Variants in PCDHA11 observed in about 807,000 individuals in gnomAD.
PCDHA11 encodes protocadherin alpha-11.
Under a neutral mutation model 70.3 loss-of-function variants are expected in PCDHA11, and 61 were observed. The ratio of observed to expected loss-of-function variants is 0.87; its 90% confidence interval spans 0.71 to 1.07. The LOEUF (loss-of-function observed/expected upper bound fraction) is 1.07. Ranked by LOEUF, PCDHA11 falls within the 50% of genes least tolerant of loss-of-function variation. PCDHA11 has a pLI of 0.00. For synonymous variants in PCDHA11, 633 were observed against 555.1 expected (o/e 1.14, Z -1.97); for missense variants, 1,324 against 1,237.5 (o/e 1.07, Z -1.05).
At chr5:140,883,623 C>T (rs782045250) in intron 1 of PCDHA11, 3 of 1,613,988 alleles carry the variant, frequency 1.9e-6, no homozygotes, top group East Asian at 4.5e-5. Context: ...AACGACAACG[C>T]GCCGGCGTTC....
chr5:140,886,317 G>A (rs1323122893), intron 1 of PCDHA11, among the ~76,000 whole-genome samples: 2 of 151,612 alleles, frequency 1.3e-5, no homozygotes, highest in Non-Finnish European at 2.9e-5. Context: ...TACACTTTAA[G>A]TTCTGGGATA....
At chr5:140,999,051 C>T (rs972072595) in intron 3 of PCDHA11, among the ~76,000 whole-genome samples, 6 of 152,196 alleles carry the variant, frequency 3.9e-5, no homozygotes, top group African/African-American at 9.7e-5. Flanking sequence ...TGCTTTCCAC[C>T]ATGCCTAAGT....
intron 1 of PCDHA11, among the ~76,000 whole-genome samples, chr5:140,888,414 T>C (rs530730994): frequency 2.6e-5 from 4 of 152,170 alleles, no homozygotes; most frequent in Non-Finnish European, 5.9e-5. Context: ...CTGCCAAACA[T>C]CCTACCGTGC....
At chr5:140,876,323 T>C (rs1554168484) in intron 1 of PCDHA11, 1 of 1,614,000 alleles carries the variant, frequency 6.2e-7, no homozygotes, top group Middle Eastern at 1.6e-4. Context: ...ATCAAAATGA[T>C]TTTGCCAGTG....
At chr5:140,966,831 G>A in intron 1 of PCDHA11, 1 of 1,563,110 alleles carries the variant, frequency 6.4e-7, no homozygotes, top group Non-Finnish European at 8.6e-7. Flanking sequence ...CCCATGCCCT[G>A]GCTGCTGCTA....
At chr5:141,007,980 A>G (rs533342900) in intron 3 of PCDHA11, among the ~76,000 whole-genome samples, 1 of 152,338 alleles carries the variant, frequency 6.6e-6, no homozygotes, top group East Asian at 1.9e-4. Context: ...TGTCATGTAT[A>G]TATGAAATGT....
intron 1 of PCDHA11, among the ~76,000 whole-genome samples, chr5:140,965,377 A>T (rs1479954226): frequency 6.6e-6 from 1 of 152,190 alleles, no homozygotes; most frequent in African/African-American, 2.4e-5. Context: ...AAACTTGGGG[A>T]CACAGAAGAA....
At chr5:140,967,442 G>T in intron 1 of PCDHA11, 1 of 1,613,600 alleles carries the variant, frequency 6.2e-7, no homozygotes, top group Non-Finnish European at 8.5e-7. Context: ...GCACCACCTG[G>T]TTCTCACAGC....
intron 1 of PCDHA11, chr5:140,878,069 T>C: frequency 5.3e-6 from 2 of 379,294 alleles, no homozygotes; most frequent in East Asian, 5.0e-5. Flanking sequence ...ATATTTTTCT[T>C]TTTCTATAAT....
chr5:140,968,208 AC>A, intron 1 of PCDHA11: 1 of 1,614,022 alleles, frequency 6.2e-7, no homozygotes, highest in Non-Finnish European at 8.5e-7. Context: ...ATACAGGAGA[AC>A]AATTTGCCAG....
chr5:140,915,204 C>A (rs2077022161), intron 1 of PCDHA11, among the ~76,000 whole-genome samples: 1 of 152,120 alleles, frequency 6.6e-6, no homozygotes, highest in African/African-American at 2.4e-5. Flanking sequence ...ATCTTGGCCT[C>A]CCAAAGTGCT....
At chr5:140,871,700 A>G in intron 1 of PCDHA11, 1 of 896,726 alleles carries the variant, frequency 1.1e-6, no homozygotes, top group Non-Finnish European at 1.6e-6. Flanking sequence ...TTCTTTAACC[A>G]ATAAATGTCC....
chr5:140,873,246 T>C (rs1554166632), intron 1 of PCDHA11, among the ~76,000 whole-genome samples: 1 of 152,142 alleles, frequency 6.6e-6, no homozygotes, highest in African/African-American at 2.4e-5. Flanking sequence ...ATATAAAATA[T>C]TTCAGACTCA....
In PCDHA11 at chr5:140,870,034, G is replaced by GA; in HGVS notation, c.935dup (p.Asn312LysfsTer5). 6 of 1,613,690 alleles carry GA rather than the reference G, an allele frequency of 3.7e-6. No individual in the cohort carries two copies. Among genetic ancestry groups the GA allele is most frequent in the Non-Finnish European group, 5.1e-6 (6 of 1,179,882 alleles). ...GGTCAATGGAACTTTAGATTATGAA[G>GA]AAAACAAGTTTTATAAAATTGAAGT... On this transcript the variant is annotated frameshift_variant, in exon 1 of 4. Transcript: ENST00000398640. LOFTEE classifies it high-confidence loss of function.
chr5:140,941,251 CTTTCTCTT>C (rs1456097006), intron 1 of PCDHA11, among the ~76,000 whole-genome samples: 2 of 121,786 alleles, frequency 1.6e-5, no homozygotes, highest in Non-Finnish European at 3.5e-5. Context: ...TTCTTTCTTT[CTTTCTCTT>C]TCTTTCTTTC....
At chr5:140,906,045 T>C (rs1002159774) in intron 1 of PCDHA11, among the ~76,000 whole-genome samples, 3 of 152,194 alleles carry the variant, frequency 2.0e-5, no homozygotes, top group African/African-American at 7.2e-5. Flanking sequence ...GCTTTTATTC[T>C]GGCTGCACTG....
chr5:140,942,120 A>G (rs2093234009), intron 1 of PCDHA11, among the ~76,000 whole-genome samples: 1 of 152,234 alleles, frequency 6.6e-6, no homozygotes, highest in South Asian at 2.1e-4. Flanking sequence ...ACTTTATTAA[A>G]GGTGATATTT....
chr5:140,875,529 G>T (rs369713851), intron 1 of PCDHA11: 5 of 1,613,994 alleles, frequency 3.1e-6, no homozygotes, highest in Admixed American at 1.7e-5. Context: ...TCTCGCTTCT[G>T]CTCCTTGCAG....
chr5:140,977,762 C>T (rs996806241), intron 1 of PCDHA11, among the ~76,000 whole-genome samples: 6 of 152,124 alleles, frequency 3.9e-5, no homozygotes, highest in Non-Finnish European at 5.9e-5. Context: ...TTATTAAATA[C>T]TTTGCATCCC....
Sources: allele counts gnomAD v4.1 joint callset (sites outside exome capture counted in the v4.1 genomes callset), GRCh38; gene constraint gnomAD v4.1.1; transcripts MANE v1.5; gene names NCBI Gene and HGNC (gene_info 2026-07-23, HGNC 2026-07-21).